Variants in CRADD observed in about 807,000 individuals in gnomAD.
The protein encoded by CRADD is death domain-containing protein CRADD.
A neutral mutation model predicts 15.5 loss-of-function variants in CRADD; 9 were observed. The ratio of observed to expected loss-of-function variants is 0.58; its 90% CI spans 0.35 to 1.01. The LOEUF (loss-of-function observed/expected upper bound fraction) is 1.01. Among genes scored for constraint, CRADD ranks in the 50% least tolerant of loss-of-function variants. The pLI, the probability that CRADD is intolerant of heterozygous loss-of-function variation, is 0.02. For missense variants in CRADD, 227 were observed against 250.3 expected (o/e 0.91, Z 0.63); for synonymous variants, 118 against 107.6 (o/e 1.10, Z -0.60).
intron 2 of CRADD, among the ~76,000 whole-genome samples, chr12:93,762,582 C>T (rs911346903): frequency 3.9e-5 from 6 of 152,084 alleles, no homozygotes; most frequent in Non-Finnish European, 5.9e-5. Context: ...ATATAGAGAC[C>T]TTTATTTACC....
intron 2 of CRADD, among the ~76,000 whole-genome samples, chr12:93,728,912 A>G (rs1956415932): frequency 6.6e-6 from 1 of 152,226 alleles, no homozygotes; most frequent in South Asian, 2.1e-4. Flanking sequence ...CATAGCTACA[A>G]CAGGAAGTCT....
Position 93,849,953 on chromosome 12 carries a change from G to T in CRADD, c.299-17G>T. 1 of 1,497,218 alleles carries T rather than the reference G, an allele frequency of 6.7e-7. No homozygotes were observed. Among genetic ancestry groups the T allele is most frequent in the Non-Finnish European group, 9.3e-7 (1 of 1,073,900 alleles). 92.7% of individuals were successfully genotyped at this position (1,497,218 alleles called of 1,614,324 possible). A position where few individuals can be genotyped will look rare whatever the true frequency, so the allele number is the denominator to read the frequency against. On this transcript the variant is annotated splice_polypyrimidine_tract_variant and intron_variant, in intron 2 of 2. Transcript: ENST00000332896. ...GTTGCCTTGCTCATTTCACCGGGGT[G>T]TCTTTTTCCTCCTCAGGTGACAGAT...
intron 2 of CRADD, among the ~76,000 whole-genome samples, chr12:93,795,231 C>G (rs926106352): frequency 2.6e-5 from 4 of 152,116 alleles, no homozygotes; most frequent in Non-Finnish European, 4.4e-5. Context: ...AAATGAATTA[C>G]TTTGTTTGTG....
chr12:93,705,577 A>G (rs1439857599), intron 2 of CRADD, among the ~76,000 whole-genome samples: 2 of 152,222 alleles, frequency 1.3e-5, no homozygotes, highest in African/African-American at 2.4e-5. Flanking sequence ...TTGGTGATAC[A>G]GAAGGTGCAA....
At chr12:93,754,533 A>T (rs1029764078) in intron 2 of CRADD, among the ~76,000 whole-genome samples, 2 of 152,150 alleles carry the variant, frequency 1.3e-5, no homozygotes, top group Non-Finnish European at 2.9e-5. Flanking sequence ...TCCTCCAGAT[A>T]TCCTAAATCA....
Position 93,879,432 on chromosome 12 carries a change from G to A in CRADD, c.299-14618G>A, listed in dbSNP as rs377744597. Reference sequence around the variant, plus strand: ...TGGTGATTCTCAGTTATTCCTTTTCGAATATAAATTGATCTGCATTGGTAA... The same window carrying A: ...TGGTGATTCTCAGTTATTCCTTTTCAAATATAAATTGATCTGCATTGGTAA... On this transcript the variant is annotated intron_variant, in intron 2 of 2. Transcript: ENST00000548483. Among the ~76,000 whole-genome samples the A allele has an allele frequency of 1.4e-4, 22 of 152,178 alleles. 2 individuals are homozygous for A. Among genetic ancestry groups the A allele is most frequent in the South Asian group, 1.2e-3 (6 of 4,816 alleles).
intron 2 of CRADD, among the ~76,000 whole-genome samples, chr12:93,690,601 T>C (rs1044678690): frequency 3.9e-5 from 6 of 152,264 alleles, no homozygotes; most frequent in South Asian, 2.1e-4. Flanking sequence ...ATAAACTCAC[T>C]TTATTATCAT....
intron 2 of CRADD, among the ~76,000 whole-genome samples, chr12:93,806,573 A>T (rs1331518844): frequency 6.6e-6 from 1 of 151,734 alleles, no homozygotes. Flanking sequence ...TAAGCTTCTC[A>T]TCTGCATCTG....
At chr12:93,805,575 T>TATAAATAAATAAATAA (rs10671111) in intron 2 of CRADD, among the ~76,000 whole-genome samples, 28 of 150,188 alleles carry the variant, frequency 1.9e-4, no homozygotes, top group Middle Eastern at 3.4e-3. Context: ...GTTTTGTGTG[T>TATAAATAAATAAATAA]ATAAATAAAT....
chr12:93,695,512 A>G (rs1955682452), intron 2 of CRADD, among the ~76,000 whole-genome samples: 1 of 152,218 alleles, frequency 6.6e-6, no homozygotes, highest in African/African-American at 2.4e-5. Context: ...AACCTATGGA[A>G]TGGGAGAAAT....
rs531175418 is a variant in CRADD, at chr12:93,861,448, C to T, written c.299-32602C>T. 2.2e-4 allele frequency among the ~76,000 whole-genome samples: 33 copies of T among 152,326 alleles called. No individual in the cohort carries two copies. The South Asian group carries it at 6.8e-3, about 32-fold the overall frequency. On this transcript the variant is annotated intron_variant, in intron 2 of 2. Transcript: ENST00000548483. The stretch of plus-strand genomic sequence containing the variant: ...ATTAAACATTTATTCCTCCAGCAGC[C>T]AGGAAGCTCCAGCTAATGGCCTTTG...
At chr12:93,822,621 C>T (rs1037067582) in intron 2 of CRADD, among the ~76,000 whole-genome samples, 3 of 152,098 alleles carry the variant, frequency 2.0e-5, no homozygotes, top group Non-Finnish European at 2.9e-5. Flanking sequence ...AAAAAGAGGC[C>T]ATGGGAGGGA....
intron 2 of CRADD, among the ~76,000 whole-genome samples, chr12:93,770,399 C>A (rs550275744): frequency 5.9e-5 from 9 of 152,150 alleles, no homozygotes; most frequent in African/African-American, 1.9e-4. Flanking sequence ...GCCCGGCCCC[C>A]TCCTATGTTA....
At chr12:93,836,820 G>A (rs1267966199) in intron 2 of CRADD, among the ~76,000 whole-genome samples, 1 of 152,226 alleles carries the variant, frequency 6.6e-6, no homozygotes, top group Non-Finnish European at 1.5e-5. Flanking sequence ...CACTGAGCAG[G>A]ATGGACAAAG....
chr12:93,889,530 C>T (rs1026815731), intron 2 of CRADD, among the ~76,000 whole-genome samples: 2 of 152,144 alleles, frequency 1.3e-5, no homozygotes, highest in Non-Finnish European at 2.9e-5. Flanking sequence ...ACCCCCTCAC[C>T]CTTGCCCTCC....
intron 2 of CRADD, among the ~76,000 whole-genome samples, chr12:93,875,032 C>T (rs1958448535): frequency 6.6e-6 from 1 of 152,036 alleles, no homozygotes; most frequent in Admixed American, 6.5e-5. Context: ...AAGTCTCCAG[C>T]TGTTATTGTA....
At chr12:93,686,735 C>T (rs554556043) in intron 2 of CRADD, among the ~76,000 whole-genome samples, 1 of 152,272 alleles carries the variant, frequency 6.6e-6, no homozygotes, top group Admixed American at 6.5e-5. Context: ...GTCAACTTGC[C>T]CATGATCACA....
At chr12:93,752,228 G>A (rs12318595) in intron 2 of CRADD, among the ~76,000 whole-genome samples, 5,896 of 152,254 alleles carry the variant, frequency 0.039, 283 homozygotes, top group East Asian at 0.19. Flanking sequence ...TCCAAAGTAT[G>A]TTAGCATAAA....
In CRADD at chr12:93,785,397, T is replaced by C. The variant is rs550440719; in HGVS notation, c.299-64573T>C. Among the ~76,000 whole-genome samples, 419 of 152,278 alleles carry C rather than the reference T, an allele frequency of 2.8e-3. 2 individuals carry two copies. The highest frequency in any genetic ancestry group is 8.6e-3 in the African/African-American group (357 of 41,544). On this transcript the variant is annotated intron_variant, in intron 2 of 2. Coordinates refer to ENST00000332896, the MANE Select transcript of CRADD (RefSeq NM_003805.5). ...AAGGGTAGTGGCTTGAGTCACCCACTGGTATGTGTGACCTATGAGTCACTC... is the reference window on the plus strand; with the variant it reads ...AAGGGTAGTGGCTTGAGTCACCCACCGGTATGTGTGACCTATGAGTCACTC...
Sources: allele counts gnomAD v4.1 joint callset (sites outside exome capture counted in the v4.1 genomes callset), GRCh38; gene constraint gnomAD v4.1.1; transcripts MANE v1.5; gene names NCBI Gene and HGNC (gene_info 2026-07-23, HGNC 2026-07-21).